The following ANO5 variants were observed in gnomAD, a reference collection of about 807,000 sequenced individuals.
ANO5 encodes anoctamin 5.
Under a neutral mutation model 121.0 loss-of-function variants are expected in ANO5, and 109 were observed. The observed-to-expected ratio is 0.90, with a 90% CI of 0.77 to 1.06. The LOEUF (loss-of-function observed/expected upper bound fraction) is 1.06. Among genes scored for constraint, ANO5 ranks in the 50% least tolerant of loss-of-function variants. ANO5 has a pLI of 0.00. For missense variants in ANO5, 1,064 were observed against 1,078.5 expected, an observed-to-expected ratio of 0.99 and a Z score of 0.19; for synonymous variants, 406 against 359.9, an observed-to-expected ratio of 1.13 and a Z score of -1.45.
Position 22,276,148 on chromosome 11 carries a change from GC to G in ANO5, c.2470del (p.Gln824AsnfsTer10), listed in dbSNP as rs770694933. ...DDENKYFHNM[Q>X]FWHVLAAKMT... ...ACGAGAATAAATATTTTCATAATAT[GC>G]AATTCTGGCATGTCCTTGCTGCCAA... On this transcript the variant is annotated frameshift_variant, in exon 21 of 22. Transcript: ENST00000324559. LOFTEE classifies it low-confidence loss of function (END_TRUNC). 10 of 1,611,054 alleles carry G rather than the reference GC, an allele frequency of 6.2e-6. No homozygotes were observed. The highest frequency in any genetic ancestry group is 1.3e-5 in the African/African-American group (1 of 74,678).
At chr11:22,238,526 C>T (rs1435432597) in intron 8 of ANO5, among the ~76,000 whole-genome samples, 3 of 151,892 alleles carry the variant, frequency 2.0e-5, no homozygotes, top group African/African-American at 7.2e-5. Flanking sequence ...CTTCTGAATG[C>T]AGTGTTAGGC....
chr11:22,221,925 A>T (rs1167674975), intron 5 of ANO5, among the ~76,000 whole-genome samples: 1 of 152,020 alleles, frequency 6.6e-6, no homozygotes, highest in South Asian at 2.1e-4. Flanking sequence ...AAGACTCCAT[A>T]CATATACAGG....
intron 9 of ANO5, among the ~76,000 whole-genome samples, chr11:22,241,247 C>G (rs1255679487): frequency 8.4e-4 from 5 of 5,986 alleles, no homozygotes; most frequent in African/African-American, 3.9e-3. Context: ...TTAGTTCCCA[C>G]TTACAAGTGG....
intron 7 of ANO5, among the ~76,000 whole-genome samples, chr11:22,228,807 C>A (rs191422119): frequency 2.0e-5 from 3 of 152,054 alleles, no homozygotes; most frequent in African/African-American, 7.2e-5. Context: ...ACATTTCATT[C>A]TTTTTATGGC....
chr11:22,244,501 TTTCCTGTCTCA>T (rs545082173), intron 9 of ANO5, among the ~76,000 whole-genome samples: 457 of 152,232 alleles, frequency 3.0e-3, no homozygotes, highest in Admixed American at 5.5e-3. Flanking sequence ...GGTTGTTTAC[TTTCCTGTCTCA>T]GGAATGCCAA....
rs751404759 is a variant in ANO5, at chr11:22,262,221, G to T, written c.1723G>T (p.Val575Leu). 6.2e-7 allele frequency: 1 copy of T among 1,613,676 alleles called. No individual in the cohort carries two copies. Among genetic ancestry groups the T allele is most frequent in the Admixed American group, 1.7e-5 (1 of 59,994 alleles). The part of the protein sequence containing the change: ...FVNFYSSCFY[V>L]AFFKGKFVGY... ...AAATTTTTACTCATCCTGCTTCTACGTAGCTTTCTTTAAAGGGAAGTTCGT... is the reference window on the plus strand; with the variant it reads ...AAATTTTTACTCATCCTGCTTCTACTTAGCTTTCTTTAAAGGGAAGTTCGT... The change falls in exon 16 of 22, where the codon GTA (valine) becomes TTA (leucine). Residue 575 changes from valine (V) to leucine (L), a missense_variant. Val to Leu is a conservative substitution (Grantham distance 32, BLOSUM62 1). Transcript: ENST00000324559.
intron 4 of ANO5, among the ~76,000 whole-genome samples, chr11:22,220,676 C>T (rs1852610905): frequency 6.6e-6 from 1 of 151,850 alleles, no homozygotes; most frequent in Admixed American, 6.6e-5. Context: ...AAACATTAAT[C>T]ATAAGTTTAT....
intron 21 of ANO5, 34 bp downstream of exon 21, chr11:22,276,233 T>C: frequency 6.7e-7 from 1 of 1,493,854 alleles, no homozygotes; most frequent in Non-Finnish European, 9.3e-7. Flanking sequence ...CGAGTTACTC[T>C]CTTCTCTCTT....
At chr11:22,273,851 C>A (rs1164782326) in intron 19 of ANO5, among the ~76,000 whole-genome samples, 1 of 151,966 alleles carries the variant, frequency 6.6e-6, no homozygotes, top group East Asian at 1.9e-4. Context: ...GAAATGACCA[C>A]TTTTTTAGAA....
intron 17 of ANO5, among the ~76,000 whole-genome samples, chr11:22,268,962 C>T (rs1854468583): frequency 6.6e-6 from 1 of 151,866 alleles, no homozygotes; most frequent in Non-Finnish European, 1.5e-5. Context: ...TGTGATCACA[C>T]CACTGCACTC....
intron 7 of ANO5, among the ~76,000 whole-genome samples, chr11:22,232,982 G>A (rs764868543): frequency 6.6e-6 from 1 of 151,946 alleles, no homozygotes; most frequent in African/African-American, 2.4e-5. Flanking sequence ...ACCATATGAC[G>A]TAGATAATAC....
At chr11:22,203,735 C>T in intron 1 of ANO5, 69 bp from the exon 2 acceptor site, 1 of 980,130 alleles carries the variant, frequency 1.0e-6, no homozygotes, top group Non-Finnish European at 1.6e-6. Context: ...TTTTTCCTTA[C>T]ACAGACTTTT....
chr11:22,269,354 G>C (rs1004923335), intron 17 of ANO5, among the ~76,000 whole-genome samples: 9 of 127,066 alleles, frequency 7.1e-5, no homozygotes, highest in African/African-American at 2.6e-4. Context: ...GGGAAGGGAA[G>C]GGAAGAGAAG....
intron 17 of ANO5, among the ~76,000 whole-genome samples, chr11:22,266,089 C>T (rs1729956769): frequency 6.6e-6 from 1 of 152,188 alleles, no homozygotes. Context: ...ACTTGCTCCT[C>T]ATTCATAAAT....
At position 22,259,653 on chromosome 11, in the gene ANO5, A is replaced by T; in HGVS notation, c.1542A>T (p.Thr514=). 6.2e-7 allele frequency: 1 copy of T among 1,614,098 alleles called. No homozygotes were observed. Among genetic ancestry groups the T allele is most frequent in the Non-Finnish European group, 8.5e-7 (1 of 1,179,986 alleles). ...VKSFLTPQIT[T]SLTGSCLNFI... ...GCTTCCTTACTCCTCAGATAACCAC[A>T]TCACTCACAGGATCATGCTTGAACT... The change falls in exon 15 of 22, where the codon ACA becomes ACT. Residue 514 remains threonine, a synonymous_variant. Coordinates refer to ENST00000324559, the MANE Select transcript of ANO5 (RefSeq NM_213599.3).
intron 4 of ANO5, among the ~76,000 whole-genome samples, chr11:22,219,446 T>C (rs1345151695): frequency 6.6e-6 from 1 of 152,052 alleles, no homozygotes; most frequent in East Asian, 1.9e-4. Context: ...ATGTAAACAA[T>C]ACAAGTACCT....
intron 13 of ANO5, among the ~76,000 whole-genome samples, chr11:22,255,774 C>G (rs1288255260): frequency 6.6e-6 from 1 of 152,032 alleles, no homozygotes; most frequent in East Asian, 1.9e-4. Flanking sequence ...GAACCCATCA[C>G]TCAGAATGAA....
At chr11:22,237,318 A>G (rs1009477797) in intron 8 of ANO5, among the ~76,000 whole-genome samples, 1 of 152,150 alleles carries the variant, frequency 6.6e-6, no homozygotes, top group Non-Finnish European at 1.5e-5. Flanking sequence ...CAAAAGCCCA[A>G]AGCCAAGCTC....
At chr11:22,211,423 A>G in intron 3 of ANO5, 109 bp downstream of exon 3, 1 of 1,260,484 alleles carries the variant, frequency 7.9e-7, no homozygotes, top group Non-Finnish European at 1.2e-6. Context: ...ACATGCTCTC[A>G]TACATGGTAT....
Sources: allele counts gnomAD v4.1 joint callset (sites outside exome capture counted in the v4.1 genomes callset), GRCh38; gene constraint gnomAD v4.1.1; transcripts MANE v1.5; gene names NCBI Gene and HGNC (gene_info 2026-07-23, HGNC 2026-07-21).